Variants in STXBP5 observed in about 807,000 individuals in gnomAD.
The protein encoded by STXBP5 is syntaxin-binding protein 5.
STXBP5 carries 50 observed loss-of-function variants against 152.4 expected under a neutral mutation model. The observed-to-expected ratio is 0.33, with a 90% CI of 0.26 to 0.42. STXBP5 has a LOEUF of 0.42. STXBP5 is among the 10% of genes least tolerant of loss of function. The pLI is 1.00. For synonymous variants in STXBP5, 492 were observed against 494.7 expected (o/e 0.99, Z 0.07); for missense variants, 1,167 against 1,388.6 (o/e 0.84, Z 2.54).
At chr6:147,222,616 C>G (rs1013746868) in intron 2 of STXBP5, among the ~76,000 whole-genome samples, 1 of 152,162 alleles carries the variant, frequency 6.6e-6, no homozygotes, top group African/African-American at 2.4e-5. Context: ...TAGTTGGTCC[C>G]TGATAAAACC....
chr6:147,299,963 A>G (rs746197602), intron 9 of STXBP5, among the ~76,000 whole-genome samples: 3 of 152,096 alleles, frequency 2.0e-5, no homozygotes, highest in Non-Finnish European at 2.9e-5. Context: ...AGTGAAATTA[A>G]TAAAGTTGCA....
rs1784675967 is a variant in STXBP5, at chr6:147,353,393, A to G, written c.2305+20A>G. 1 of 1,509,496 alleles carries G rather than the reference A, an allele frequency of 6.6e-7. No individual in the cohort carries two copies. Among genetic ancestry groups the G allele is most frequent in the Non-Finnish European group, 9.0e-7 (1 of 1,111,738 alleles). 93.5% of individuals were successfully genotyped at this position (1,509,496 alleles called of 1,614,324 possible). A position where few individuals can be genotyped will look rare whatever the true frequency, so the allele number is the denominator to read the frequency against. ...ATTTAGGTAAGTAAAATAAATATTC[A>G]AAATAATTTAACTCCCTATAATGGG... On this transcript the variant is annotated intron_variant, in intron 22 of 27. Coordinates refer to ENST00000321680, the MANE Select transcript of STXBP5 (RefSeq NM_001127715.4).
chr6:147,258,669 G>A (rs1478108504), intron 4 of STXBP5, among the ~76,000 whole-genome samples: 3 of 152,100 alleles, frequency 2.0e-5, no homozygotes, highest in East Asian at 1.9e-4. Flanking sequence ...TCCTGACCTC[G>A]TGATCTGCCT....
intron 27 of STXBP5, 63 bp downstream of exon 27, chr6:147,383,061 T>G (rs1786171064): frequency 6.5e-7 from 1 of 1,539,428 alleles, no homozygotes; most frequent in Non-Finnish European, 8.9e-7. Context: ...GAATGTTACT[T>G]TATTTTTATA....
At chr6:147,226,393 G>A (rs536301949) in intron 2 of STXBP5, among the ~76,000 whole-genome samples, 8 of 152,132 alleles carry the variant, frequency 5.3e-5, no homozygotes, top group African/African-American at 1.9e-4. Flanking sequence ...TGTGTCATAC[G>A]GTTTTCCAGC....
chr6:147,286,678 T>C (rs987185357), intron 8 of STXBP5, among the ~76,000 whole-genome samples: 6 of 152,172 alleles, frequency 3.9e-5, no homozygotes, highest in African/African-American at 1.4e-4. Flanking sequence ...ATTTATGTGA[T>C]TTTGGTGTGG....
chr6:147,317,874 A>G (rs187498416), intron 16 of STXBP5, among the ~76,000 whole-genome samples: 8 of 152,244 alleles, frequency 5.3e-5, no homozygotes, highest in Admixed American at 4.6e-4. Flanking sequence ...TCTGATTTCA[A>G]TGTTTTTTTC....
chr6:147,339,859 G>C (rs1173894575), intron 21 of STXBP5, among the ~76,000 whole-genome samples: 4 of 151,822 alleles, frequency 2.6e-5, no homozygotes, highest in African/African-American at 9.7e-5. Context: ...GAATTTTCTA[G>C]GACTGCCCCT....
At chr6:147,369,200 G>A (rs780367872) in intron 25 of STXBP5, among the ~76,000 whole-genome samples, 3 of 151,904 alleles carry the variant, frequency 2.0e-5, no homozygotes, top group South Asian at 2.1e-4. Flanking sequence ...TAAGGAAGGC[G>A]CAAGGCAATG....
Position 147,257,065 on chromosome 6 carries a change from A to G in STXBP5, c.432-3550A>G, listed in dbSNP as rs151035252. 3.7e-3 allele frequency among the ~76,000 whole-genome samples: 561 copies of G among 152,090 alleles called. 5 individuals carry two copies. The highest frequency in any genetic ancestry group is 0.013 in the African/African-American group (528 of 41,506). ...TACTCCCTAGTACTTAACATTATAG[A>G]TATCTTAAATTCCTTAAGCAAATAC... On this transcript the variant is annotated intron_variant, in intron 4 of 27. Coordinates refer to ENST00000321680, the MANE Select transcript of STXBP5 (RefSeq NM_001127715.4).
chr6:147,372,160 A>C (rs1233661196), intron 25 of STXBP5, among the ~76,000 whole-genome samples: 1 of 152,076 alleles, frequency 6.6e-6, no homozygotes, highest in Non-Finnish European at 1.5e-5. Flanking sequence ...GCTTCAGTCC[A>C]CTTCAGTCTT....
intron 7 of STXBP5, among the ~76,000 whole-genome samples, chr6:147,274,248 GCATTCATT>G (rs539546376): frequency 2.0e-5 from 3 of 152,014 alleles, no homozygotes; most frequent in Admixed American, 6.6e-5. Flanking sequence ...CTTGGATTAT[GCATTCATT>G]CATTCATTCA....
At chr6:147,361,083 C>G (rs1274915368) in intron 23 of STXBP5, among the ~76,000 whole-genome samples, 1 of 151,984 alleles carries the variant, frequency 6.6e-6, no homozygotes, top group African/African-American at 2.4e-5. Flanking sequence ...AATCTCAGTT[C>G]TTATTAGTAA....
intron 10 of STXBP5, among the ~76,000 whole-genome samples, chr6:147,310,901 A>G (rs1782342477): frequency 6.6e-6 from 1 of 152,128 alleles, no homozygotes; most frequent in African/African-American, 2.4e-5. Flanking sequence ...AGCAATGTCT[A>G]GACTGGTATT....
At chr6:147,205,479 G>A (rs995667427) in intron 1 of STXBP5, among the ~76,000 whole-genome samples, 1 of 151,780 alleles carries the variant, frequency 6.6e-6, no homozygotes, top group Non-Finnish European at 1.5e-5. Flanking sequence ...TCTGTTACAA[G>A]TGTAAAATGT....
chr6:147,381,475 G>T (rs1374930940), intron 26 of STXBP5, among the ~76,000 whole-genome samples: 3 of 151,948 alleles, frequency 2.0e-5, no homozygotes, highest in South Asian at 4.1e-4. Flanking sequence ...AAAACTGATG[G>T]TTCCTCAAAA....
At chr6:147,213,477 T>TGTGTGTGTGTGTGTGTGCGCGC in intron 2 of STXBP5, among the ~76,000 whole-genome samples, 8 of 131,324 alleles carry the variant, frequency 6.1e-5, no homozygotes, top group African/African-American at 1.9e-4. Flanking sequence ...TGTGTGTGTG[T>TGTGTGTGTGTGTGTGTGCGCGC]GCGCGCGCAT....
intron 21 of STXBP5, among the ~76,000 whole-genome samples, chr6:147,346,710 AGT>A (rs1784350913): frequency 6.6e-6 from 1 of 152,066 alleles, no homozygotes; most frequent in Admixed American, 6.6e-5. Flanking sequence ...ACTTCACTCC[AGT>A]GTGGGTGACA....
rs1181951846 is a variant in STXBP5, at chr6:147,388,286, C to A, written c.*3531C>A. 1 of 151,498 alleles carries A rather than the reference C, an allele frequency of 6.6e-6. No individual in the cohort carries two copies. The highest frequency in any genetic ancestry group is 1.5e-5 in the Non-Finnish European group (1 of 67,690). 9.4% of individuals were successfully genotyped at this position (151,498 alleles called of 1,614,324 possible). ...TTAAATAAACTGATCAGTTTTAAAA[C>A]CTTTAATAGGGTTTTATATAGATTT... On this transcript the variant is annotated 3_prime_UTR_variant, in exon 28 of 28. Transcript: ENST00000321680.
Sources: gnomAD v4.1 joint callset for allele counts (sites outside exome capture counted in the v4.1 genomes callset) on GRCh38, gnomAD v4.1.1 for gene constraint, MANE v1.5 for transcripts, NCBI Gene and HGNC (gene_info 2026-07-23, HGNC 2026-07-21) for gene names.